The following SDK1 variants were observed in gnomAD, a reference collection of about 807,000 sequenced individuals.
The protein encoded by SDK1 is sidekick cell adhesion molecule 1.
Under a neutral mutation model 245.5 loss-of-function variants are expected in SDK1, and 157 were observed. The observed-to-expected ratio is 0.64, with a 90% CI of 0.56 to 0.73. The LOEUF (loss-of-function observed/expected upper bound fraction) is 0.73. Ranked by LOEUF, SDK1 falls within the 30% of genes least tolerant of loss-of-function variation. The pLI is 0.00. For missense variants in SDK1, 3,583 were observed against 3,002.3 expected (o/e 1.19, Z -4.52); for synonymous variants, 1,647 against 1,278.5 (o/e 1.29, Z -6.15).
chr7:3,314,231 G>C (rs886774125), intron 1 of SDK1, among the ~76,000 whole-genome samples: 1 of 152,192 alleles, frequency 6.6e-6, no homozygotes, highest in South Asian at 2.1e-4. Flanking sequence ...AAAGATGAAG[G>C]ATTCAGGTGG....
At chr7:4,016,400 G>C (rs1225139195) in intron 16 of SDK1, among the ~76,000 whole-genome samples, 1 of 152,232 alleles carries the variant, frequency 6.6e-6, no homozygotes, top group Non-Finnish European at 1.5e-5. Context: ...AATTACCTGA[G>C]TCAGTTCAGT....
chr7:4,241,344 T>G (rs982069069), intron 42 of SDK1, among the ~76,000 whole-genome samples: 1 of 152,150 alleles, frequency 6.6e-6, no homozygotes, highest in African/African-American at 2.4e-5. Context: ...TAGAAGTGTA[T>G]GCATTCTTGG....
rs890581971 is a variant in SDK1, at chr7:3,301,499, G to A, written c.-88G>A. Reference sequence around the variant, plus strand: ...CGGGCCGGGGGGCGCCGCGCCTCCCGCGGAGTGGCCGCGCCCGCTCGGAGC... The same window carrying A: ...CGGGCCGGGGGGCGCCGCGCCTCCCACGGAGTGGCCGCGCCCGCTCGGAGC... On this transcript the variant is annotated 5_prime_UTR_variant, in exon 1 of 45. Coordinates refer to ENST00000404826, the MANE Select transcript of SDK1 (RefSeq NM_152744.4). 1 of 388,856 alleles carries A rather than the reference G, an allele frequency of 2.6e-6. No homozygotes were observed. Among genetic ancestry groups the A allele is most frequent in the Non-Finnish European group, 3.5e-6 (1 of 288,440 alleles). 24.1% of individuals were successfully genotyped at this position (388,856 alleles called of 1,614,324 possible). A position where few individuals can be genotyped will look rare whatever the true frequency, so the allele number is the denominator to read the frequency against.
At chr7:3,344,909 T>A (rs1422686877) in intron 1 of SDK1, among the ~76,000 whole-genome samples, 2 of 152,230 alleles carry the variant, frequency 1.3e-5, no homozygotes, top group Non-Finnish European at 2.9e-5. Context: ...TAACAAGAGA[T>A]GCTTCATTTC....
intron 28 of SDK1, among the ~76,000 whole-genome samples, chr7:4,136,472 A>G (rs1239953659): frequency 1.3e-5 from 2 of 152,240 alleles, no homozygotes; most frequent in Non-Finnish European, 2.9e-5. Context: ...CTATATCAAA[A>G]CATGTTCTTG....
At chr7:3,455,479 T>A (rs1171731848) in intron 1 of SDK1, among the ~76,000 whole-genome samples, 1 of 152,102 alleles carries the variant, frequency 6.6e-6, no homozygotes, top group Non-Finnish European at 1.5e-5. Flanking sequence ...GGGTGGAGAT[T>A]CATTTTTCTT....
At chr7:3,346,913 C>T (rs1780523718) in intron 1 of SDK1, among the ~76,000 whole-genome samples, 1 of 138,622 alleles carries the variant, frequency 7.2e-6, no homozygotes, top group Admixed American at 7.7e-5. Context: ...TCAAGTGATC[C>T]TCCTGATTCT....
chr7:4,153,992 C>G (rs1043537742), intron 30 of SDK1, among the ~76,000 whole-genome samples: 1 of 152,056 alleles, frequency 6.6e-6, no homozygotes, highest in Non-Finnish European at 1.5e-5. Flanking sequence ...ATAGTGAATT[C>G]TTAAGAAACA....
At chr7:3,510,288 T>C (rs1310675041) in intron 1 of SDK1, among the ~76,000 whole-genome samples, 1 of 152,196 alleles carries the variant, frequency 6.6e-6, no homozygotes, top group Non-Finnish European at 1.5e-5. Context: ...AGGAAAGCAG[T>C]GTCTGAATAC....
chr7:3,999,727 C>A (rs375734945), intron 14 of SDK1, among the ~76,000 whole-genome samples: 63 of 152,312 alleles, frequency 4.1e-4, no homozygotes, highest in African/African-American at 1.4e-3. Flanking sequence ...TTATAAAAAA[C>A]CATTTTCTAA....
rs531454889 is a variant in SDK1 at position 3,688,820 on chromosome 7, A to T, written c.713+46715A>T. ...TTGGATCCTGCCTCCATTCTGAGGC[A>T]CACACCGCTCATGGCCAATCCATGT... is the stretch of plus-strand genomic sequence containing the variant. On this transcript the variant is annotated intron_variant, in intron 4 of 44. Transcript: ENST00000404826. Among the ~76,000 whole-genome samples, 6 of 152,318 alleles carry T rather than the reference A, an allele frequency of 3.9e-5. No homozygotes were observed. In the South Asian group the frequency reaches 1.2e-3, roughly 32 times the overall value.
intron 35 of SDK1, among the ~76,000 whole-genome samples, chr7:4,195,309 C>T (rs1027401899): frequency 3.3e-5 from 5 of 152,166 alleles, no homozygotes; most frequent in Admixed American, 1.3e-4. Context: ...AGTGGGTGCT[C>T]GCGTCCCCGG....
Position 3,743,329 on chromosome 7 carries a change from C to T in SDK1, c.714-78121C>T, listed in dbSNP as rs371667875. On this transcript the variant is annotated intron_variant, in intron 4 of 44. Transcript: ENST00000404826. ...GAGGTTTGAGACTCGGGTTCTGTGG[C>T]GGTACAGTCTTGCTAAGTCACAGAT... Among the ~76,000 whole-genome samples, 27 of 152,240 alleles carry T rather than the reference C, an allele frequency of 1.8e-4. No individual in the cohort carries two copies. In the South Asian group the frequency reaches 2.3e-3, roughly 13 times the overall value.
intron 1 of SDK1, among the ~76,000 whole-genome samples, chr7:3,607,055 A>C (rs757202877): frequency 1.3e-5 from 2 of 152,276 alleles, no homozygotes; most frequent in East Asian, 1.9e-4. Flanking sequence ...TGCACCTTCA[A>C]CTTCTCTCAA....
At chr7:3,405,817 T>TC (rs1450372121) in intron 1 of SDK1, among the ~76,000 whole-genome samples, 19 of 148,134 alleles carry the variant, frequency 1.3e-4, no homozygotes, top group Non-Finnish European at 2.2e-4. Context: ...TTTCTTTCTT[T>TC]TTTTTTTTTT....
At chr7:4,062,126 GTATAATAA>G (rs1779582879) in intron 19 of SDK1, among the ~76,000 whole-genome samples, 1 of 151,584 alleles carries the variant, frequency 6.6e-6, no homozygotes, top group Non-Finnish European at 1.5e-5. Flanking sequence ...AAAACTTAAA[GTATAATAA>G]TAATAATAAT....
chr7:3,516,734 A>T (rs1782763380), intron 1 of SDK1, among the ~76,000 whole-genome samples: 1 of 152,018 alleles, frequency 6.6e-6, no homozygotes, highest in Non-Finnish European at 1.5e-5. Flanking sequence ...GATGTGAAGA[A>T]CTCTATTGTT....
intron 19 of SDK1, among the ~76,000 whole-genome samples, chr7:4,065,102 A>G (rs145853173): frequency 1.3e-5 from 2 of 152,348 alleles, no homozygotes; most frequent in Non-Finnish European, 2.9e-5. Flanking sequence ...ACTCCAGGCC[A>G]TAGGCACTCT....
At chr7:3,837,587 ATT>A (rs974553591) in intron 5 of SDK1, among the ~76,000 whole-genome samples, 1 of 152,184 alleles carries the variant, frequency 6.6e-6, no homozygotes, top group African/African-American at 2.4e-5. Flanking sequence ...AAAACTTCCC[ATT>A]TGGAGAGAAA....
Sources: gnomAD v4.1 joint callset for allele counts (sites outside exome capture counted in the v4.1 genomes callset) on GRCh38, gnomAD v4.1.1 for gene constraint, MANE v1.5 for transcripts, NCBI Gene and HGNC (gene_info 2026-07-23, HGNC 2026-07-21) for gene names.